The following AMZ2 variants were observed in gnomAD, a reference collection of about 807,000 sequenced individuals.
The protein encoded by AMZ2 is archaemetzincin-2.
Under a neutral mutation model 36.7 loss-of-function variants are expected in AMZ2, and 26 were observed. That is an observed-to-expected ratio of 0.71 (90% CI 0.52 to 0.98). The LOEUF (loss-of-function observed/expected upper bound fraction) is 0.98, where lower values mean the gene tolerates loss of function less well. AMZ2 is among the 50% of genes least tolerant of loss of function. The probability of loss-of-function intolerance (pLI) is 0.00; values close to 1 mark genes in which losing one functional copy is unlikely to be tolerated. For synonymous variants in AMZ2, 144 were observed against 149.1 expected (o/e 0.97, Z 0.25); for missense variants, 394 against 430.5 (o/e 0.92, Z 0.75).
intron 1 of AMZ2, among the ~76,000 whole-genome samples, chr17:68,222,020 G>A (rs1437170801): frequency 6.6e-6 from 1 of 152,254 alleles, no homozygotes; most frequent in African/African-American, 2.4e-5. Context: ...AAGCAAGATA[G>A]CTGAGCTTAT....
intron 1 of AMZ2, among the ~76,000 whole-genome samples, chr17:68,212,847 A>C: frequency 6.6e-6 from 1 of 152,010 alleles, no homozygotes; most frequent in African/African-American, 2.4e-5. Context: ...GGATTACAGG[A>C]GTGAGCCATC....
At chr17:68,245,200 TAA>T (rs71355810), upstream of AMZ2, among the ~76,000 whole-genome samples, 31,412 of 141,564 alleles carry the variant, frequency 0.22, 3,776 homozygotes, top group East Asian at 0.41. Context: ...CCTTCTAATG[TAA>T]AAAAAAAAAA....
chr17:68,237,634 G>A (rs1270596464), intron 1 of AMZ2, among the ~76,000 whole-genome samples: 15 of 152,258 alleles, frequency 9.9e-5, no homozygotes, highest in African/African-American at 3.4e-4. Context: ...AATGGCTCAC[G>A]GTCCTAGGGT....
In AMZ2 at chr17:68,255,831, C is replaced by T; in HGVS notation, c.882C>T (p.His294=). The change falls in exon 6 of 7, where the codon CAC becomes CAT. Residue 294 remains histidine (H), a synonymous_variant. Transcript: ENST00000359904. ...RPLNLCPICL[H]KLQCAVGFSI... ...TAAACCTTTGCCCTATCTGTTTGCA[C>T]AAGTTGCAGTGTGCTGTTGGCTTCA... 1 of 1,614,108 alleles carries T rather than the reference C, an allele frequency of 6.2e-7. No individual in the cohort carries two copies. The highest frequency in any genetic ancestry group is 2.2e-5 in the East Asian group (1 of 44,872).
upstream of AMZ2, chr17:68,247,862 C>A: frequency 1.0e-6 from 1 of 985,524 alleles, no homozygotes; most frequent in South Asian, 4.7e-5. Context: ...TCGCTACCCT[C>A]TATTCTGGAA....
chr17:68,236,739 AT>A (rs149263791), intron 1 of AMZ2, among the ~76,000 whole-genome samples: 10 of 149,408 alleles, frequency 6.7e-5, no homozygotes, highest in African/African-American at 7.3e-5. Context: ...ATCCCAGCTA[AT>A]TTTTTTTTTA....
chr17:68,209,628 A>ATTTTTTTTTTTTTTTTTTTTTTTTT (rs1322446681), intron 1 of AMZ2, among the ~76,000 whole-genome samples: 1 of 98,530 alleles, frequency 1.0e-5, no homozygotes, highest in African/African-American at 5.0e-5. Context: ...ATATATATAT[A>ATTTTTTTTTTTTTTTTTTTTTTTTT]TATATTTTTT....
At chr17:68,252,311 T>TA (rs1555740271) in intron 4 of AMZ2, among the ~76,000 whole-genome samples, 1 of 152,230 alleles carries the variant, frequency 6.6e-6, no homozygotes, top group African/African-American at 2.4e-5. Context: ...TCTTCCCACT[T>TA]ACTCCTTTAT....
chr17:68,222,998 T>G (rs182573451), intron 1 of AMZ2, among the ~76,000 whole-genome samples: 1 of 149,524 alleles, frequency 6.7e-6, no homozygotes, highest in East Asian at 2.0e-4. Context: ...CAGAGAACTG[T>G]CCAAGTAGGA....
chr17:68,229,801 C>T lies in AMZ2; in HGVS notation c.-66-18839C>T, dbSNP rs147215666. On this transcript the variant is annotated intron_variant, in intron 1 of 7. Coordinates refer to the AMZ2 transcript ENST00000674770. ...CTTCACCACCCCCATGTCAGGGGTCCGGGCTGGTGTAGCTCCGGAGTCCGG... is the reference window on the plus strand; with the variant it reads ...CTTCACCACCCCCATGTCAGGGGTCTGGGCTGGTGTAGCTCCGGAGTCCGG... Among the ~76,000 whole-genome samples the T allele has an allele frequency of 1.9e-3, 295 of 152,280 alleles. 1 individual carries two copies. Among genetic ancestry groups the T allele is most frequent in the African/African-American group, 6.6e-3 (274 of 41,560 alleles).
intron 1 of AMZ2, among the ~76,000 whole-genome samples, chr17:68,212,095 G>A (rs1477744726): frequency 6.6e-6 from 1 of 152,066 alleles, no homozygotes; most frequent in Non-Finnish European, 1.5e-5. Context: ...TTTTGGCCAG[G>A]TGTGGTGACC....
rs8074302 is a variant in AMZ2, at chr17:68,216,981, C to G, written c.-67+10743C>G. The stretch of plus-strand genomic sequence containing the variant: ...CCGGGAGGTGGAGCTTGCAGTGAGC[C>G]GAGTTTGCGCCCCTGCACTCCAGCC... On this transcript the variant is annotated intron_variant, in intron 1 of 7. Transcript: ENST00000674770. 6.4e-3 allele frequency among the ~76,000 whole-genome samples: 963 copies of G among 150,104 alleles called. 2 individuals are homozygous for G. The highest frequency in any genetic ancestry group is 7.7e-3 in the Non-Finnish European group (524 of 67,750).
At chr17:68,228,132 C>T (rs539383798) in intron 1 of AMZ2, among the ~76,000 whole-genome samples, 2 of 152,188 alleles carry the variant, frequency 1.3e-5, no homozygotes, top group South Asian at 4.1e-4. Context: ...CTTTCCTGCC[C>T]GAGCTCAGCT....
At chr17:68,240,619 A>C (rs1555733814) in intron 1 of AMZ2, among the ~76,000 whole-genome samples, 5 of 152,224 alleles carry the variant, frequency 3.3e-5, no homozygotes, top group African/African-American at 1.2e-4. Flanking sequence ...GCGCCTGCTA[A>C]GTGAGCCACA....
In AMZ2 at chr17:68,221,222, C is replaced by CAA. The variant is rs71142150; in HGVS notation, c.-67+14984_-67+14985insAA. ...TCAGCCCTCAGCTCCCCCCCCCGCCCCCCCGGTAGCTAGGACCCCAAGTGC... is the reference window on the plus strand; with the variant it reads ...TCAGCCCTCAGCTCCCCCCCCCGCCCAACCCCGGTAGCTAGGACCCCAAGTGC... On this transcript the variant is annotated intron_variant, in intron 1 of 7. Transcript: ENST00000674770. Among the ~76,000 whole-genome samples, 319 of 85,616 alleles carry CAA rather than the reference C, an allele frequency of 3.7e-3. 27 individuals carry two copies. Among genetic ancestry groups the CAA allele is most frequent in the Admixed American group, 0.022 (200 of 9,038 alleles). The allele number at this position is 85,616 out of a possible 152,430, so 56.2% of individuals were successfully genotyped here.
rs539193561 is a variant in AMZ2 at position 68,228,550 on chromosome 17, C to G, written c.-66-20090C>G. ...CCTCCTTGGGAGGCTGCGGAAGCCT[C>G]GTGGGCCTTCTCCAGCCAGCCACTC... On this transcript the variant is annotated intron_variant, in intron 1 of 7. Coordinates refer to the AMZ2 transcript ENST00000674770. 6.6e-5 allele frequency among the ~76,000 whole-genome samples: 10 copies of G among 152,184 alleles called. 1 individual carries two copies. Among genetic ancestry groups the G allele is most frequent in the Non-Finnish European group, 1.2e-4 (8 of 68,030 alleles).
In AMZ2 at chr17:68,254,595, C is replaced by T. The variant is rs367913759; in HGVS notation, c.750+28C>T. The T allele has an allele frequency of 4.1e-5, 65 of 1,571,798 alleles. No individual in the cohort carries two copies. In the African/African-American group the frequency reaches 7.7e-4, roughly 19 times the overall value. On this transcript the variant is annotated intron_variant, in intron 5 of 6. Coordinates refer to ENST00000359904, the MANE Select transcript of AMZ2 (RefSeq NM_016627.5). ...AAGTTATTACAAAAATCTGACAGGA[C>T]AGTTCTTTAAAAGAGATCTTAGTTC...
At chr17:68,237,678 C>T (rs2073819050) in intron 1 of AMZ2, among the ~76,000 whole-genome samples, 1 of 152,128 alleles carries the variant, frequency 6.6e-6, no homozygotes, top group Non-Finnish European at 1.5e-5. Context: ...TTTAGCACAG[C>T]AGTGAGCCAA....
chr17:68,226,078 G>C (rs7222746), intron 1 of AMZ2, among the ~76,000 whole-genome samples: 53,891 of 151,866 alleles, frequency 0.35, 10,674 homozygotes, highest in African/African-American at 0.54. Flanking sequence ...CGGGAGCCCT[G>C]CCGGACCCGT....
Sources: allele counts gnomAD v4.1 joint callset (sites outside exome capture counted in the v4.1 genomes callset), GRCh38; gene constraint gnomAD v4.1.1; transcripts MANE v1.5; gene names NCBI Gene and HGNC (gene_info 2026-07-23, HGNC 2026-07-21).